The following DNAI3 variants were observed in gnomAD, a reference collection of about 807,000 sequenced individuals.
DNAI3 encodes dynein axonemal intermediate chain 3.
Under a neutral mutation model 115.5 loss-of-function variants are expected in DNAI3, and 83 were observed. The observed-to-expected ratio is 0.72, with a 90% CI of 0.60 to 0.86. The LOEUF is 0.86. DNAI3 is among the 40% of genes least tolerant of loss of function. The pLI, the probability that DNAI3 is intolerant of heterozygous loss-of-function variation, is 0.00. For missense variants in DNAI3, 1,004 were observed against 1,075.8 expected, an observed-to-expected ratio of 0.93 and a Z score of 0.93; for synonymous variants, 320 against 347.0, an observed-to-expected ratio of 0.92 and a Z score of 0.86.
At chr1:85,122,378 G>T (rs994972887) in intron 18 of DNAI3, among the ~76,000 whole-genome samples, 1 of 152,164 alleles carries the variant, frequency 6.6e-6, no homozygotes, top group Non-Finnish European at 1.5e-5. Flanking sequence ...AAGCATGTGG[G>T]TCACATCCAG....
rs548165897 is a variant in DNAI3, at chr1:85,065,567, T to TTG, written c.-15+3095_-15+3096dup. Among the ~76,000 whole-genome samples the TTG allele has an allele frequency of 1.8e-4, 27 of 151,682 alleles. No homozygotes were observed. In the East Asian group the frequency reaches 2.5e-3, roughly 14 times the overall value. On this transcript the variant is annotated intron_variant, in intron 1 of 22. Transcript: ENST00000294664. ...TGGGCAGATATCCTTGCAGAAGTAT[T>TTG]TGTGTGTGTGTGTGTAGAGTGGCAA...
intron 11 of DNAI3, among the ~76,000 whole-genome samples, chr1:85,096,418 GCATACACA>G (rs1655125649): frequency 6.6e-6 from 1 of 150,522 alleles, no homozygotes; most frequent in Non-Finnish European, 1.5e-5. Context: ...TCACTAGAAA[GCATACACA>G]CATCACTGAA....
intron 14 of DNAI3, among the ~76,000 whole-genome samples, chr1:85,106,211 T>G (rs1404539130): frequency 6.6e-6 from 1 of 152,230 alleles, no homozygotes; most frequent in Non-Finnish European, 1.5e-5. Context: ...TAAGATTATG[T>G]AACTTTGATG....
At chr1:85,072,883 A>AGAATCTTGGT (rs1654325964) in intron 2 of DNAI3, among the ~76,000 whole-genome samples, 171 bp from the exon 3 acceptor site, 1 of 138,000 alleles carries the variant, frequency 7.2e-6, no homozygotes, top group Non-Finnish European at 1.5e-5. Flanking sequence ...TGAACCCAGG[A>AGAATCTTGGT]TGTGGTGCTT....
chr1:85,132,760 C>G, intron 22 of DNAI3, 95 bp from the exon 23 acceptor site: 2 of 1,475,464 alleles, frequency 1.4e-6, no homozygotes, highest in Non-Finnish European at 1.8e-6. Context: ...AAAACAGCAG[C>G]CAGGTCAACT....
At chr1:85,113,580 ACT>A (rs562138165) in intron 16 of DNAI3, among the ~76,000 whole-genome samples, 122 of 152,212 alleles carry the variant, frequency 8.0e-4, no homozygotes, top group African/African-American at 2.7e-3. Context: ...GCAATACGAC[ACT>A]GTTTTGATTA....
intron 22 of DNAI3, among the ~76,000 whole-genome samples, chr1:85,131,863 T>C (rs1395364304): frequency 6.6e-6 from 1 of 152,216 alleles, no homozygotes; most frequent in East Asian, 1.9e-4. Flanking sequence ...GAAATACTTT[T>C]TAAACACCTG....
intron 16 of DNAI3, among the ~76,000 whole-genome samples, chr1:85,116,894 C>T (rs545650057): frequency 6.6e-6 from 1 of 152,138 alleles, no homozygotes; most frequent in African/African-American, 2.4e-5. Context: ...CCAACTAAAT[C>T]ATGATAATCA....
At chr1:85,089,830 A>T (rs1654919887) in intron 7 of DNAI3, among the ~76,000 whole-genome samples, 2 of 152,126 alleles carry the variant, frequency 1.3e-5, no homozygotes, top group Non-Finnish European at 2.9e-5. Context: ...GTGTGTGGGA[A>T]TTCCTTATAC....
chr1:85,067,847 T>C (rs1287212189), intron 1 of DNAI3, among the ~76,000 whole-genome samples: 1 of 152,194 alleles, frequency 6.6e-6, no homozygotes, highest in Non-Finnish European at 1.5e-5. Context: ...AGATTCTCTC[T>C]TAGAGGCTCT....
chr1:85,079,278 A>T (rs139624044), intron 3 of DNAI3, among the ~76,000 whole-genome samples: 1 of 152,232 alleles, frequency 6.6e-6, no homozygotes, highest in Admixed American at 6.5e-5. Context: ...ATAAAAGTGT[A>T]TAATTTGTCC....
At position 85,108,077 on chromosome 1, in the gene DNAI3, C is replaced by G. The variant is rs1655544350; in HGVS notation, c.1598C>G (p.Pro533Arg). The G allele has an allele frequency of 1.2e-6, 2 of 1,608,940 alleles. No individual in the cohort carries two copies. The highest frequency in any genetic ancestry group is 1.3e-5 in the African/African-American group (1 of 74,854). The change falls in exon 15 of 23, where the codon CCC (proline) becomes CGC (arginine). Residue 533 changes from proline to arginine, a missense_variant. Transcript: ENST00000294664. ...WDIRPQKPLTPQTTEKKKEES... is the reference protein window; with the variant it reads ...WDIRPQKPLTRQTTEKKKEES... ...ATTAGACCACAGAAACCTTTAACCC[C>G]CCAAACAACAGAGAAAAAGAAGGAG...
chr1:85,130,716 G>C (rs867897944), intron 22 of DNAI3, among the ~76,000 whole-genome samples: 1 of 140,702 alleles, frequency 7.1e-6, no homozygotes, highest in Non-Finnish European at 1.6e-5. Flanking sequence ...TAGATAGATA[G>C]ATAAATAGAT....
At chr1:85,127,342 T>C (rs1041387476) in intron 20 of DNAI3, among the ~76,000 whole-genome samples, 4 of 152,226 alleles carry the variant, frequency 2.6e-5, no homozygotes, top group Admixed American at 1.3e-4. Flanking sequence ...TGTATGTCCT[T>C]TGTCTCCATT....
chr1:85,132,244 G>A (rs1656348611), intron 22 of DNAI3, among the ~76,000 whole-genome samples: 1 of 152,250 alleles, frequency 6.6e-6, no homozygotes, highest in Non-Finnish European at 1.5e-5. Flanking sequence ...CATAGAAAGT[G>A]TTCACATGTT....
intron 3 of DNAI3, among the ~76,000 whole-genome samples, chr1:85,079,890 GT>G (rs1398586985): frequency 6.6e-6 from 1 of 152,028 alleles, no homozygotes; most frequent in Non-Finnish European, 1.5e-5. Context: ...CCACTTTCCT[GT>G]GTCCAAGGGT....
intron 12 of DNAI3, among the ~76,000 whole-genome samples, chr1:85,098,303 G>A (rs917815847): frequency 6.6e-6 from 1 of 152,068 alleles, no homozygotes; most frequent in Non-Finnish European, 1.5e-5. Context: ...TTATGGAGTA[G>A]GTCAATAATA....
chr1:85,076,935 G>A (rs1278889061), intron 3 of DNAI3, among the ~76,000 whole-genome samples: 1 of 152,148 alleles, frequency 6.6e-6, no homozygotes, highest in South Asian at 2.1e-4. Context: ...TGTGGCCACA[G>A]ATGACTTCAC....
intron 8 of DNAI3, among the ~76,000 whole-genome samples, chr1:85,092,794 T>TACACACACACACACAC (rs58308443): frequency 9.6e-5 from 14 of 145,370 alleles, no homozygotes; most frequent in East Asian, 6.1e-4. Context: ...CAACTAAAAC[T>TACACACACACACACAC]ACACACACAC....
Sources: allele counts gnomAD v4.1 joint callset (sites outside exome capture counted in the v4.1 genomes callset), GRCh38; gene constraint gnomAD v4.1.1; transcripts MANE v1.5; gene names NCBI Gene and HGNC (gene_info 2026-07-23, HGNC 2026-07-21).